The following RPS6KC1 variants were observed in gnomAD, a reference collection of about 807,000 sequenced individuals.
RPS6KC1 encodes the protein inactive ribosomal protein S6 kinase delta-1.
RPS6KC1 carries 54 observed loss-of-function variants against 103.8 expected under a neutral mutation model. The ratio of observed to expected loss-of-function variants is 0.52; its 90% confidence interval spans 0.42 to 0.65. The LOEUF is 0.65. Ranked by LOEUF, RPS6KC1 falls within the 30% of genes least tolerant of loss-of-function variation. The probability of loss-of-function intolerance (pLI) is 0.00; values close to 1 mark genes in which losing one functional copy is unlikely to be tolerated. For synonymous variants in RPS6KC1, 439 were observed against 438.7 expected (o/e 1.00, Z -0.01); for missense variants, 1,151 against 1,253.8 (o/e 0.92, Z 1.24).
intron 12 of RPS6KC1, among the ~76,000 whole-genome samples, chr1:213,255,418 T>C (rs2094619597): frequency 3.3e-5 from 5 of 152,186 alleles, no homozygotes; most frequent in Admixed American, 3.3e-4. Context: ...TTTCTCAAAT[T>C]CACTGTGTTA....
the RPS6KC1 span, among the ~76,000 whole-genome samples, chr1:213,363,833 T>C: frequency 6.8e-5 from 10 of 146,418 alleles, 1 homozygote; most frequent in Non-Finnish European, 1.5e-4. Flanking sequence ...TTTTTTTTTT[T>C]TTCTGGTGGC....
the RPS6KC1 span, among the ~76,000 whole-genome samples, chr1:213,292,865 A>G: frequency 1.3e-5 from 2 of 152,226 alleles, no homozygotes; most frequent in African/African-American, 4.8e-5. Flanking sequence ...CTCCCCCACA[A>G]TGTTTCCTAC....
At chr1:213,151,195 T>C (rs1467910407) in intron 6 of RPS6KC1, among the ~76,000 whole-genome samples, 42 of 71,084 alleles carry the variant, frequency 5.9e-4, no homozygotes, top group African/African-American at 1.2e-3. Flanking sequence ...CCCTCCCGGA[T>C]GGGGCGGCTG....
chr1:213,856,630 T>C, the RPS6KC1 span, among the ~76,000 whole-genome samples: 1 of 152,258 alleles, frequency 6.6e-6, no homozygotes, highest in Admixed American at 6.5e-5. Flanking sequence ...TTTGCATAAT[T>C]TTTACTAAAG....
the RPS6KC1 span, among the ~76,000 whole-genome samples, chr1:213,698,906 AT>A: frequency 1.3e-5 from 2 of 151,046 alleles, no homozygotes; most frequent in African/African-American, 4.9e-5. Flanking sequence ...AGTCTAGATA[AT>A]TTTTTTTAAT....
intron 12 of RPS6KC1, among the ~76,000 whole-genome samples, chr1:213,249,406 A>G (rs1181998935): frequency 6.6e-6 from 1 of 152,236 alleles, no homozygotes; most frequent in African/African-American, 2.4e-5. Flanking sequence ...TCCTTCGAAT[A>G]AATGTTTAAA....
At chr1:213,446,190 G>T in the RPS6KC1 span, among the ~76,000 whole-genome samples, 1 of 152,124 alleles carries the variant, frequency 6.6e-6, no homozygotes, top group Non-Finnish European at 1.5e-5. Flanking sequence ...TCTTCCCCAC[G>T]AGGGTGTCCA....
the RPS6KC1 span, among the ~76,000 whole-genome samples, chr1:213,383,705 A>G: frequency 1.3e-5 from 2 of 152,012 alleles, no homozygotes; most frequent in African/African-American, 2.4e-5. Flanking sequence ...TAGTGTCCCT[A>G]TAAGAAGAGA....
the RPS6KC1 span, among the ~76,000 whole-genome samples, chr1:213,603,997 G>T: frequency 1.6e-4 from 24 of 152,146 alleles, no homozygotes; most frequent in East Asian, 3.9e-4. Flanking sequence ...CTATGACTTT[G>T]GTCTGTACTG....
At chr1:213,350,941 A>G in the RPS6KC1 span, among the ~76,000 whole-genome samples, 3 of 152,168 alleles carry the variant, frequency 2.0e-5, no homozygotes, top group African/African-American at 4.8e-5. Flanking sequence ...ATGATTGGGT[A>G]TATGTTTTCT....
chr1:213,298,423 C>T, the RPS6KC1 span, among the ~76,000 whole-genome samples: 2 of 152,068 alleles, frequency 1.3e-5, no homozygotes, highest in Non-Finnish European at 2.9e-5. Context: ...TATTTGTTCT[C>T]AATGCTCGTT....
chr1:213,759,002 A>C, the RPS6KC1 span, among the ~76,000 whole-genome samples: 169 of 152,358 alleles, frequency 1.1e-3, 1 homozygote, highest in African/African-American at 4.0e-3. Flanking sequence ...TACTGTGCAT[A>C]AAATGCTATC....
At chr1:213,588,475 A>T in the RPS6KC1 span, among the ~76,000 whole-genome samples, 1 of 151,476 alleles carries the variant, frequency 6.6e-6, no homozygotes, top group Non-Finnish European at 1.5e-5. Flanking sequence ...ATTTTTTTGT[A>T]TTTTTAGTCG....
chr1:213,260,930 A>G (rs1327756459), intron 12 of RPS6KC1, among the ~76,000 whole-genome samples: 3 of 152,230 alleles, frequency 2.0e-5, no homozygotes, highest in Admixed American at 6.5e-5. Flanking sequence ...ATCTTAGCCA[A>G]TAGTTTCAGC....
chr1:213,224,097 T>C (rs978586946), intron 8 of RPS6KC1, among the ~76,000 whole-genome samples: 3 of 152,224 alleles, frequency 2.0e-5, no homozygotes, highest in African/African-American at 7.2e-5. Flanking sequence ...GTAGCATATC[T>C]CTTTTCTCTT....
At chr1:213,353,629 T>C in the RPS6KC1 span, among the ~76,000 whole-genome samples, 1 of 152,244 alleles carries the variant, frequency 6.6e-6, no homozygotes, top group Non-Finnish European at 1.5e-5. Context: ...TATTCCTTTC[T>C]GGCTCTTTCT....
rs1469075133 is a variant in RPS6KC1 at position 213,091,936 on chromosome 1, T to C, written c.263-12518T>C. On this transcript the variant is annotated intron_variant, in intron 3 of 14. Coordinates refer to ENST00000366960, the MANE Select transcript of RPS6KC1 (RefSeq NM_012424.6). ...TTTTACTGCTTTATCAAGGACATTC[T>C]AAATGAAACTGGCATTACATTTCTT... Among the ~76,000 whole-genome samples the C allele has an allele frequency of 2.0e-5, 3 of 150,950 alleles. No homozygotes were observed. In the East Asian group the frequency reaches 5.9e-4, roughly 30 times the overall value.
At chr1:213,816,630 T>G in the RPS6KC1 span, among the ~76,000 whole-genome samples, 13 of 152,068 alleles carry the variant, frequency 8.5e-5, no homozygotes, top group Non-Finnish European at 1.8e-4. Flanking sequence ...GCCCCTCTGG[T>G]GTTATTCCCC....
At chr1:213,561,732 A>G in the RPS6KC1 span, among the ~76,000 whole-genome samples, 1 of 152,232 alleles carries the variant, frequency 6.6e-6, no homozygotes, top group African/African-American at 2.4e-5. Context: ...CCACTAATAC[A>G]TAACCCAGCC....
Sources: gnomAD v4.1 joint callset for allele counts (sites outside exome capture counted in the v4.1 genomes callset) on GRCh38, gnomAD v4.1.1 for gene constraint, MANE v1.5 for transcripts, NCBI Gene and HGNC (gene_info 2026-07-23, HGNC 2026-07-21) for gene names.